FXYD5: variants seen among roughly 807,000 people sequenced by gnomAD.
FXYD5 encodes FXYD domain containing ion transport regulator 5.
In FXYD5, 21 loss-of-function variants were observed where a neutral mutation model predicts 25.7. The ratio of observed to expected loss-of-function variants is 0.82; its 90% CI spans 0.58 to 1.18. The LOEUF (loss-of-function observed/expected upper bound fraction) is 1.18. Ranked by LOEUF, FXYD5 falls within the 50% of genes most tolerant of loss-of-function variation. The probability of loss-of-function intolerance (pLI) is 0.00; values close to 1 mark genes in which losing one functional copy is unlikely to be tolerated. For synonymous variants in FXYD5, 101 were observed against 90.7 expected (o/e 1.11, Z -0.64); for missense variants, 229 against 227.7 (o/e 1.01, Z -0.04).
intron 5 of FXYD5, among the ~76,000 whole-genome samples, chr19:35,161,875 G>A (rs936691504): frequency 6.6e-6 from 1 of 152,150 alleles, no homozygotes; most frequent in African/African-American, 2.4e-5. Context: ...CCACCTCTCG[G>A]GCAATGCCAT....
chr19:35,159,659 T>C (rs1417375462), intron 4 of FXYD5: 1 of 1,542,600 alleles, frequency 6.5e-7, no homozygotes, highest in Non-Finnish European at 8.7e-7. Flanking sequence ...ATGTACTGAC[T>C]ATGTGCTGGT....
At chr19:35,157,972 G>T (rs747770150) in intron 3 of FXYD5, among the ~76,000 whole-genome samples, 2 of 152,228 alleles carry the variant, frequency 1.3e-5, no homozygotes, top group South Asian at 4.1e-4. Flanking sequence ...GCTGAATAAA[G>T]TGGACCAAGA....
chr19:35,166,792 T>C (rs2065454955), intron 8 of FXYD5: 1 of 170,842 alleles, frequency 5.9e-6, no homozygotes, highest in Admixed American at 6.3e-5. Flanking sequence ...CTGGGTTTCA[T>C]TCAAGGAAAT....
chr19:35,156,534 A>G (rs2065357158), intron 2 of FXYD5, among the ~76,000 whole-genome samples: 1 of 152,162 alleles, frequency 6.6e-6, no homozygotes, highest in African/African-American at 2.4e-5. Flanking sequence ...GGAGGGCCTC[A>G]CTGAGGAGGT....
chr19:35,164,326 A>G, intron 6 of FXYD5, 81 bp downstream of exon 6: 1 of 1,384,532 alleles, frequency 7.2e-7, no homozygotes, highest in Non-Finnish European at 9.9e-7. Context: ...ACAGCCCAGC[A>G]CAGAATAGTT....
At chr19:35,156,778 G>A (rs1338414782) in intron 2 of FXYD5, 1 of 152,812 alleles carries the variant, frequency 6.5e-6, no homozygotes, top group African/African-American at 2.4e-5. Flanking sequence ...GTGCAGCCAG[G>A]GCAGGGCTCT....
chr19:35,155,085 T>G (rs1163173353), intron 1 of FXYD5: 1 of 183,662 alleles, frequency 5.4e-6, no homozygotes, highest in Non-Finnish European at 1.1e-5. Flanking sequence ...AACTCACTTT[T>G]TCCTCTGAGC....
At chr19:35,169,358 C>T (rs1600514367) in intron 8 of FXYD5, among the ~76,000 whole-genome samples, 1 of 151,796 alleles carries the variant, frequency 6.6e-6, no homozygotes, top group Non-Finnish European at 1.5e-5. Flanking sequence ...AGTTTCCAAA[C>T]GGCTCATCTG....
intron 2 of FXYD5, 149 bp downstream of exon 2, chr19:35,155,760 A>C (rs546330311): frequency 1.5e-6 from 1 of 686,046 alleles, no homozygotes; most frequent in African/African-American, 1.8e-5. Context: ...GGGGATCCCT[A>C]TGGCGGGGCG....
At position 35,169,583 on chromosome 19, in the gene FXYD5, C is replaced by T; in HGVS notation, c.505C>T (p.Leu169=). Residue 169 remains leucine (L), a synonymous_variant, in exon 9 of 9, where the codon CTG becomes TTG. Coordinates refer to ENST00000392219, the MANE Select transcript of FXYD5 (RefSeq NM_014164.6). ...ACCCACAGGTGGCAAGTGCAGGCAG[C>T]TGTCCCGGTTATGCCGGAATCGTTG... ...IILTSGKCRQ[L]SRLCRNRCR is the part of the protein sequence containing the mutation. The T allele has an allele frequency of 6.2e-7, 1 of 1,610,918 alleles. No individual in the cohort carries two copies. Among genetic ancestry groups the T allele is most frequent in the Non-Finnish European group, 8.5e-7 (1 of 1,177,034 alleles).
chr19:35,164,121 A>C lies in FXYD5; in HGVS notation c.293-35A>C, dbSNP rs752959107. On this transcript the variant is annotated intron_variant, in intron 5 of 8. Transcript: ENST00000392219. ...TCCCTTGTTTCTGCCTCCATGGCTC[A>C]CTCCTGCCCTCCACTGATCTGGCCA... 1.4e-5 allele frequency: 22 copies of C among 1,610,586 alleles called. No individual in the cohort carries two copies. The Admixed American group carries it at 3.7e-4, about 27-fold the overall frequency.
rs181574547 is a variant in FXYD5 at position 35,162,293 on chromosome 19, A to T, written c.292+1492A>T. On this transcript the variant is annotated intron_variant, in intron 5 of 8. Transcript: ENST00000392219. ...TATCTTTGCTTCTCTTCCACCTAGG[A>T]AGGAAATGGCTCATGTTATTTGAGC... 4.1e-3 allele frequency among the ~76,000 whole-genome samples: 629 copies of T among 152,284 alleles called. 1 individual carries two copies. Among genetic ancestry groups the T allele is most frequent in the Non-Finnish European group, 7.0e-3 (475 of 68,020 alleles).
Position 35,157,443 on chromosome 19 carries a change from G to C in FXYD5, c.84G>C (p.Thr28=). The change falls in exon 3 of 9, where the codon ACG becomes ACC. Residue 28 remains threonine, a synonymous_variant. Coordinates refer to ENST00000392219, the MANE Select transcript of FXYD5 (RefSeq NM_014164.6). ...PTRGQTLKDT[T]SSSSADSTIM... ...CAGGACAGACGTTGAAAGATACCACGTCCAGTTCTTCAGCAGACTCAACTA... is the reference window on the plus strand; with the variant it reads ...CAGGACAGACGTTGAAAGATACCACCTCCAGTTCTTCAGCAGACTCAACTA... 1 of 1,596,492 alleles carries C rather than the reference G, an allele frequency of 6.3e-7. No individual in the cohort carries two copies. The highest frequency in any genetic ancestry group is 8.6e-7 in the Non-Finnish European group (1 of 1,164,266).
At chr19:35,166,611 T>G in intron 8 of FXYD5, 1 of 447,630 alleles carries the variant, frequency 2.2e-6, no homozygotes, top group East Asian at 3.4e-5. Flanking sequence ...GCAGGAAACT[T>G]TGTTTCTGGG....
Position 35,158,378 on chromosome 19 carries a change from A to G in FXYD5, c.177A>G (p.Pro59=), listed in dbSNP as rs1128882. ...ACACAGAACTCCAGCCCACCTCTCC[A>G]ACCCCAACCTGGCCTGCTGATGGTG... The part of the protein sequence containing the change: ...AVYTELQPTS[P]TPTWPADETP... The change falls in exon 4 of 9, where the codon CCA becomes CCG. Residue 59 remains proline, a synonymous_variant. Coordinates refer to ENST00000392219, the MANE Select transcript of FXYD5 (RefSeq NM_014164.6). The G allele has an allele frequency of 0.18, 292,761 of 1,599,700 alleles. 28,732 individuals carry two copies. The highest frequency in any genetic ancestry group is 0.28 in the South Asian group (25,603 of 90,668).
rs185934289 is a variant in FXYD5, at chr19:35,157,573, G to A, written c.142+72G>A. The stretch of plus-strand genomic sequence containing the variant: ...AACAGCAACAAAAATCCCAAACTTG[G>A]ACCAAACAAGGGAATTTATGGATTT... On this transcript the variant is annotated intron_variant, in intron 3 of 8. Transcript: ENST00000392219. 1,374 of 814,968 alleles carry A rather than the reference G, an allele frequency of 1.7e-3. 3 individuals carry two copies. The highest frequency in any genetic ancestry group is 2.3e-3 in the Admixed American group (122 of 53,550). The allele number at this position is 814,968 out of a possible 1,614,324, so 50.5% of individuals were successfully genotyped here.
chr19:35,161,409 G>A (rs1231150322), intron 5 of FXYD5, among the ~76,000 whole-genome samples: 1 of 152,148 alleles, frequency 6.6e-6, no homozygotes, highest in Non-Finnish European at 1.5e-5. Flanking sequence ...TGGCAGAGAT[G>A]GTCCCATAGT....
chr19:35,155,483 C>A, intron 1 of FXYD5, 68 bp from the exon 2 acceptor site: 2 of 1,291,814 alleles, frequency 1.5e-6, no homozygotes, highest in Non-Finnish European at 2.2e-6. Context: ...GCTGCAGGAT[C>A]CCCGGGGGCT....
chr19:35,168,778 C>A (rs576350146), intron 8 of FXYD5, among the ~76,000 whole-genome samples: 1 of 152,120 alleles, frequency 6.6e-6, no homozygotes, highest in Non-Finnish European at 1.5e-5. Flanking sequence ...ATGTCACCTC[C>A]TTGGCAGGCC....
Sources: gnomAD v4.1 joint callset for allele counts (sites outside exome capture counted in the v4.1 genomes callset) on GRCh38, gnomAD v4.1.1 for gene constraint, MANE v1.5 for transcripts, NCBI Gene and HGNC (gene_info 2026-07-23, HGNC 2026-07-21) for gene names.